Variants in SYTL5 observed in about 807,000 individuals in gnomAD.
The protein encoded by SYTL5 is synaptotagmin like 5, also known as synaptotagmin-like protein 5.
Under a neutral mutation model 55.9 loss-of-function variants are expected in SYTL5, and 34 were observed. The ratio of observed to expected loss-of-function variants is 0.61; its 90% CI spans 0.46 to 0.81. The LOEUF is 0.81. Among genes scored for constraint, SYTL5 ranks in the 30% least tolerant of loss-of-function variants. The probability of loss-of-function intolerance (pLI) is 0.00; values close to 1 mark genes in which losing one functional copy is unlikely to be tolerated. For missense variants in SYTL5, 637 were observed against 546.7 expected (o/e 1.17, Z -1.65); for synonymous variants, 221 against 188.7 (o/e 1.17, Z -1.40).
chrX:37,971,301 T>A, the SYTL5 span, among the ~76,000 whole-genome samples: 6 of 110,858 alleles, frequency 5.4e-5, no homozygotes, highest in Non-Finnish European at 1.1e-4. Flanking sequence ...TAAAAGCAAC[T>A]CAGGTGAAAA....
the SYTL5 span, among the ~76,000 whole-genome samples, chrX:37,963,601 T>C: frequency 8.9e-6 from 1 of 112,386 alleles, no homozygotes. Context: ...TTTTGTATTT[T>C]TAAACTTTAC....
At chrX:37,940,846 C>T in the SYTL5 span, among the ~76,000 whole-genome samples, 2 of 110,442 alleles carry the variant, frequency 1.8e-5, no homozygotes. Context: ...TGATTAGAAC[C>T]CAGTAGAGGG....
At chrX:37,939,023 C>T in the SYTL5 span, among the ~76,000 whole-genome samples, 3 of 110,629 alleles carry the variant, frequency 2.7e-5, no homozygotes, top group Admixed American at 9.6e-5. Context: ...TTTGGGAGGC[C>T]GAGGCAGGCA....
upstream of SYTL5, among the ~76,000 whole-genome samples, chrX:38,004,354 G>A (rs771643407): frequency 5.0e-4 from 56 of 111,590 alleles, no homozygotes; most frequent in African/African-American, 1.7e-3. Context: ...ATCGCATGGA[G>A]AACCGTTTGT....
the SYTL5 span, among the ~76,000 whole-genome samples, chrX:37,935,336 C>A: frequency 8.9e-6 from 1 of 112,087 alleles, no homozygotes; most frequent in Non-Finnish European, 1.9e-5. Context: ...ACCTGTCCAA[C>A]AGGAAAAATT....
At chrX:37,931,951 TAGTC>T in the SYTL5 span, among the ~76,000 whole-genome samples, 1 of 111,618 alleles carries the variant, frequency 9.0e-6, no homozygotes, top group Non-Finnish European at 1.9e-5. Context: ...AAAGGTTTTC[TAGTC>T]AGTCACTGTT....
intron 1 of SYTL5, among the ~76,000 whole-genome samples, chrX:38,032,733 A>T (rs1356515106): frequency 9.3e-6 from 1 of 107,907 alleles, no homozygotes; most frequent in Non-Finnish European, 1.9e-5. Flanking sequence ...CCGTAACGTA[A>T]TTTTTTTTTT....
intron 2 of SYTL5, among the ~76,000 whole-genome samples, chrX:38,038,655 A>T (rs1935189253): frequency 8.9e-6 from 1 of 112,111 alleles, no homozygotes; most frequent in South Asian, 3.7e-4. Flanking sequence ...GAAATGTGAA[A>T]AGGACTTTTC....
the SYTL5 span, among the ~76,000 whole-genome samples, chrX:37,907,978 G>A: frequency 0.01 from 1,129 of 110,279 alleles, 11 homozygotes; most frequent in African/African-American, 0.034. Context: ...TTAGCTGGGC[G>A]CAGTAGCATG....
chrX:37,926,286 G>A, the SYTL5 span, among the ~76,000 whole-genome samples: 7 of 111,297 alleles, frequency 6.3e-5, no homozygotes, highest in South Asian at 3.7e-4. Context: ...TTTGAGAAAC[G>A]TCTTTTCAGA....
chrX:37,968,357 G>A, the SYTL5 span, among the ~76,000 whole-genome samples: 1 of 111,499 alleles, frequency 9.0e-6, no homozygotes, highest in African/African-American at 3.3e-5. Context: ...TAACCTGTAT[G>A]TTTTTATGTT....
chrX:38,020,874 A>T (rs1337714320), intron 1 of SYTL5, among the ~76,000 whole-genome samples: 2 of 111,910 alleles, frequency 1.8e-5, no homozygotes, highest in African/African-American at 6.5e-5. Flanking sequence ...GGAAGTAGAT[A>T]TTAATATGCC....
the SYTL5 span, among the ~76,000 whole-genome samples, chrX:37,897,902 A>C: frequency 9.0e-6 from 1 of 111,584 alleles, no homozygotes; most frequent in African/African-American, 3.3e-5. Context: ...GTTTGAGACC[A>C]GCCTGGGCAA....
chrX:38,100,138 A>G (rs1937046078), intron 9 of SYTL5, among the ~76,000 whole-genome samples: 1 of 111,051 alleles, frequency 9.0e-6, no homozygotes, highest in Admixed American at 9.6e-5. Context: ...AGAATTTGAC[A>G]GGAATTGGCA....
chrX:38,046,303 C>A (rs1935458053), intron 2 of SYTL5, among the ~76,000 whole-genome samples: 1 of 111,589 alleles, frequency 9.0e-6, no homozygotes, highest in Admixed American at 9.5e-5. Flanking sequence ...CAAGACTGGG[C>A]AATTTACAAA....
intron 2 of SYTL5, among the ~76,000 whole-genome samples, chrX:38,048,369 C>T (rs1175055414): frequency 9.2e-6 from 1 of 108,934 alleles, no homozygotes; most frequent in Non-Finnish European, 1.9e-5. Context: ...CTTCTGAGCC[C>T]TCCAAACTCT....
At chrX:37,996,312 G>A in the SYTL5 span, among the ~76,000 whole-genome samples, 1 of 112,127 alleles carries the variant, frequency 8.9e-6, no homozygotes, top group African/African-American at 3.2e-5. Flanking sequence ...TGGGGAGGCA[G>A]AGAGAATCAC....
At chrX:38,017,937 T>G (rs1377424650) in intron 1 of SYTL5, among the ~76,000 whole-genome samples, 1 of 109,967 alleles carries the variant, frequency 9.1e-6, no homozygotes. Flanking sequence ...GTGATTACCC[T>G]TATCTTGTCT....
chrX:38,097,659 C>G (rs1037479254), intron 9 of SYTL5, among the ~76,000 whole-genome samples: 7 of 108,528 alleles, frequency 6.4e-5, no homozygotes, highest in Non-Finnish European at 1.2e-4. Context: ...CAATGCAAGC[C>G]CAATCAAAAT....
Sources: allele counts gnomAD v4.1 joint callset (sites outside exome capture counted in the v4.1 genomes callset), GRCh38; gene constraint gnomAD v4.1.1; transcripts MANE v1.5; gene names NCBI Gene and HGNC (gene_info 2026-07-23, HGNC 2026-07-21).